Variants in CAST observed in about 807,000 individuals in gnomAD.
CAST encodes the protein calpastatin, also known as MIR583 host.
A neutral mutation model predicts 119.6 loss-of-function variants in CAST; 76 were observed. The observed-to-expected ratio is 0.64, with a 90% CI of 0.53 to 0.77. The LOEUF is 0.77. CAST is among the 30% of genes least tolerant of loss of function. The pLI is 0.00. For missense variants in CAST, 953 were observed against 946.5 expected (o/e 1.01, Z -0.09); for synonymous variants, 319 against 331.6 (o/e 0.96, Z 0.41).
the CAST span, chr5:95,973,173 G>A: frequency 1.1e-5 from 2 of 180,094 alleles, no homozygotes; most frequent in Admixed American, 5.1e-5. Flanking sequence ...GAACCAATGT[G>A]CCATGTATGA....
intron 25 of CAST, among the ~76,000 whole-genome samples, chr5:96,764,614 C>G: frequency 6.6e-6 from 1 of 152,154 alleles, no homozygotes; most frequent in East Asian, 1.9e-4. Context: ...GGGTTTTGTG[C>G]TTTAGGAAGT....
At chr5:96,583,853 A>G (rs1481193582) in intron 1 of CAST, among the ~76,000 whole-genome samples, 1 of 152,218 alleles carries the variant, frequency 6.6e-6, no homozygotes, top group Admixed American at 6.5e-5. Flanking sequence ...GAACCAAGGT[A>G]TTGAGAAGTT....
At chr5:96,316,580 G>T in the CAST span, among the ~76,000 whole-genome samples, 1 of 152,174 alleles carries the variant, frequency 6.6e-6, no homozygotes, top group African/African-American at 2.4e-5. Flanking sequence ...AGATCAAAAA[G>T]TCAGGTTGAA....
chr5:96,408,160 G>A, the CAST span: 2 of 1,167,096 alleles, frequency 1.7e-6, no homozygotes, highest in South Asian at 1.3e-5. Context: ...AGAAAAAAAA[G>A]TGTTATTAAA....
At chr5:96,750,218 T>A (rs1265156450) in intron 19 of CAST, among the ~76,000 whole-genome samples, 1 of 152,214 alleles carries the variant, frequency 6.6e-6, no homozygotes, top group Non-Finnish European at 1.5e-5. Context: ...CAATAATTGC[T>A]CAAATGTATT....
chr5:96,713,133 CTTTT>C (rs11406642), intron 3 of CAST, among the ~76,000 whole-genome samples: 8 of 136,766 alleles, frequency 5.8e-5, no homozygotes, highest in Admixed American at 7.5e-5. Flanking sequence ...CAGAATTTCT[CTTTT>C]TTTTTTTTTT....
chr5:96,577,388 A>G (rs1443751893), intron 1 of CAST, among the ~76,000 whole-genome samples: 1 of 146,160 alleles, frequency 6.8e-6, no homozygotes, highest in South Asian at 2.2e-4. Context: ...ATTTAATTCC[A>G]CTCTGATCTT....
the CAST span, among the ~76,000 whole-genome samples, chr5:96,269,519 A>G: frequency 1.8e-4 from 27 of 152,304 alleles, no homozygotes; most frequent in Middle Eastern, 3.4e-3. Flanking sequence ...ACATTCTTCT[A>G]TCAGCACATG....
chr5:95,978,421 A>G, the CAST span, among the ~76,000 whole-genome samples: 3 of 151,988 alleles, frequency 2.0e-5, no homozygotes, highest in African/African-American at 7.3e-5. Context: ...CTTTTTTCAT[A>G]TGCTTGTTGC....
At position 96,713,134 on chromosome 5, in the gene CAST, T is replaced by TC. The variant is rs1491370651; in HGVS notation, c.211-9505_211-9504insC. On this transcript the variant is annotated intron_variant, in intron 3 of 31. Coordinates refer to ENST00000675179, the MANE Select transcript of CAST (RefSeq NM_001750.7). ...TGTTCAGCAGACCTCAGAATTTCTC[T>TC]TTTTTTTTTTTTTTTTGAGATGGAG... 1.1e-3 allele frequency among the ~76,000 whole-genome samples: 42 copies of TC among 37,246 alleles called. No individual in the cohort carries two copies. In the South Asian group the frequency reaches 0.024, roughly 21 times the overall value. The allele number at this position is 37,246 out of a possible 152,430, so 24.4% of individuals were successfully genotyped here. A position where few individuals can be genotyped will look rare whatever the true frequency, so the allele number is the denominator to read the frequency against.
chr5:96,410,315 A>G, the CAST span, among the ~76,000 whole-genome samples: 2 of 152,122 alleles, frequency 1.3e-5, no homozygotes, highest in African/African-American at 4.8e-5. Context: ...CCTGCAGGTC[A>G]TCCATTCTTA....
intron 1 of CAST, among the ~76,000 whole-genome samples, chr5:96,554,775 T>C (rs1746201350): frequency 6.6e-6 from 1 of 152,158 alleles, no homozygotes; most frequent in African/African-American, 2.4e-5. Flanking sequence ...AAGAAGACAT[T>C]TATGCAGCCA....
At chr5:96,145,771 C>A in the CAST span, among the ~76,000 whole-genome samples, 1 of 152,284 alleles carries the variant, frequency 6.6e-6, no homozygotes, top group East Asian at 1.9e-4. Flanking sequence ...TTTATTATAT[C>A]TCCTAAATCT....
the CAST span, among the ~76,000 whole-genome samples, chr5:96,377,411 T>C: frequency 2.6e-5 from 4 of 152,156 alleles, no homozygotes; most frequent in Non-Finnish European, 5.9e-5. Context: ...TGGTTAGATA[T>C]ACAGGCGAAT....
the CAST span, among the ~76,000 whole-genome samples, chr5:96,050,800 T>A: frequency 2.0e-5 from 3 of 151,940 alleles, no homozygotes; most frequent in African/African-American, 7.3e-5. Flanking sequence ...TGGGAGCCAG[T>A]AGGAAGACAA....
the CAST span, among the ~76,000 whole-genome samples, chr5:96,473,341 T>C: frequency 2.0e-5 from 3 of 152,078 alleles, no homozygotes; most frequent in Non-Finnish European, 4.4e-5. Flanking sequence ...TAAAAGGAGC[T>C]CCTAATCAGA....
chr5:96,297,390 A>G, the CAST span, among the ~76,000 whole-genome samples: 10 of 152,348 alleles, frequency 6.6e-5, no homozygotes, highest in African/African-American at 1.2e-4. Flanking sequence ...GTTTTCCTCC[A>G]TATCCAACCA....
intron 1 of CAST, among the ~76,000 whole-genome samples, chr5:96,611,148 A>C (rs1048212508): frequency 9.2e-5 from 14 of 152,216 alleles, no homozygotes; most frequent in Non-Finnish European, 1.6e-4. Flanking sequence ...TAGAAAAAAC[A>C]ATCTTAAAAT....
chr5:96,769,104 A>C (rs1348559571), intron 29 of CAST: 4 of 152,244 alleles, frequency 2.6e-5, no homozygotes, highest in African/African-American at 9.6e-5. Flanking sequence ...AGGAAACGTG[A>C]AATGAGTACC....
Sources: allele counts gnomAD v4.1 joint callset (sites outside exome capture counted in the v4.1 genomes callset), GRCh38; gene constraint gnomAD v4.1.1; transcripts MANE v1.5; gene names NCBI Gene and HGNC (gene_info 2026-07-23, HGNC 2026-07-21).